The following TET3 variants were observed in gnomAD, a reference collection of about 807,000 sequenced individuals.
The protein encoded by TET3 is tet methylcytosine dioxygenase 3, also known as methylcytosine dioxygenase TET3.
A neutral mutation model predicts 141.4 loss-of-function variants in TET3; 19 were observed. That is an observed-to-expected ratio of 0.13 (90% CI 0.09 to 0.20). The LOEUF (loss-of-function observed/expected upper bound fraction) is 0.20, where lower values mean the gene tolerates loss of function less well. Among genes scored for constraint, TET3 ranks in the 10% least tolerant of loss-of-function variants. The pLI, the probability that TET3 is intolerant of heterozygous loss-of-function variation, is 1.00. For synonymous variants in TET3, 1,043 were observed against 980.9 expected (o/e 1.06, Z -1.18); for missense variants, 1,874 against 2,356.9 (o/e 0.80, Z 4.24).
the TET3 span, among the ~76,000 whole-genome samples, chr2:74,117,538 A>C: frequency 1.3e-5 from 2 of 152,012 alleles, no homozygotes; most frequent in Admixed American, 1.3e-4. Flanking sequence ...GGGATTACAG[A>C]CCTTTTGATC....
chr2:74,078,543 T>C (rs1394178727), intron 5 of TET3, among the ~76,000 whole-genome samples: 3 of 152,354 alleles, frequency 2.0e-5, no homozygotes, highest in Non-Finnish European at 2.9e-5. Context: ...AAATTTATTA[T>C]AATGTATTTA....
Position 74,101,110 on chromosome 2 carries a change from G to A in TET3, c.4322G>A (p.Gly1441Asp). 1.9e-6 allele frequency: 3 copies of A among 1,613,542 alleles called. No homozygotes were observed. The highest frequency in any genetic ancestry group is 1.7e-6 in the Non-Finnish European group (2 of 1,179,708). ...CACCTTTGGGGACAGTACTCAGGAG[G>A]CCCAAGCATGTCCCCCAAGAGGACT... ...PSHLWGQYSGGPSMSPKRTNG... is the reference protein window; with the variant it reads ...PSHLWGQYSGDPSMSPKRTNG... Residue 1441 changes from glycine (G) to aspartate (D), a missense_variant, in exon 12 of 12, where the codon GGC becomes GAC. Transcript: ENST00000409262. The surrounding 1 kb of genome is among the most constrained non-coding windows in gnomAD (Gnocchi z 8.5).
intron 6 of TET3, among the ~76,000 whole-genome samples, chr2:74,084,478 A>C (rs994249505): frequency 1.4e-5 from 2 of 147,374 alleles, no homozygotes; most frequent in African/African-American, 5.0e-5. Context: ...TTTGAGATGG[A>C]GTCTCGCTCT....
At chr2:74,089,398 C>A (rs1690348559) in intron 7 of TET3, among the ~76,000 whole-genome samples, 1 of 151,928 alleles carries the variant, frequency 6.6e-6, no homozygotes, top group Non-Finnish European at 1.5e-5. Context: ...GCTTATCCAT[C>A]CCCCAGTTAG....
At chr2:74,123,494 G>A in the TET3 span, among the ~76,000 whole-genome samples, 4 of 152,148 alleles carry the variant, frequency 2.6e-5, no homozygotes, top group South Asian at 2.1e-4. Context: ...GGGCGGAACC[G>A]ACCAAGAAAC....
In TET3 at chr2:74,093,537, C is replaced by T. The variant is rs141970343; in HGVS notation, c.3138C>T (p.Asn1046=). Reference sequence around the variant, plus strand: ...CTTGGCTGTCTACACAGGTGACCAACGAGGAAATAGCGATTGACTGCCGTC... The same window carrying T: ...CTTGGCTGTCTACACAGGTGACCAATGAGGAAATAGCGATTGACTGCCGTC... ...APQAYQNQVT[N]EEIAIDCRLG... is the part of the protein sequence containing the mutation. The change falls in exon 10 of 12, where the codon AAC becomes AAT. Residue 1046 remains asparagine (N), a synonymous_variant. Transcript: ENST00000409262. This position sits in a 1 kb window ranked among gnomAD's most constrained non-coding sequence, Gnocchi z 4.2. 1,385 of 1,608,846 alleles carry T rather than the reference C, an allele frequency of 8.6e-4. 13 individuals are homozygous for T. The African/African-American group carries it at 0.015, about 18-fold the overall frequency.
At chr2:74,048,455 G>A in intron 4 of TET3, 44 bp downstream of exon 4, 2 of 1,534,982 alleles carry the variant, frequency 1.3e-6, no homozygotes, top group Non-Finnish European at 1.8e-6. Context: ...AAAGGGCTGT[G>A]GCCTGGTGAG....
At position 74,102,415 on chromosome 2, in the gene TET3, T is replaced by C. The variant is rs1691277201; in HGVS notation, c.*239T>C. The C allele has an allele frequency of 2.4e-6, 1 of 421,142 alleles. No homozygotes were observed. Among genetic ancestry groups the C allele is most frequent in the African/African-American group, 2.1e-5 (1 of 48,632 alleles). The allele number at this position is 421,142 out of a possible 1,614,324, so 26.1% of individuals were successfully genotyped here. A position where few individuals can be genotyped will look rare whatever the true frequency, so the allele number is the denominator to read the frequency against. ...AGAAACTACGGCTGTCGGGTGATTT[T>C]TCCGTGATCTTAATATTTATATCTC... On this transcript the variant is annotated 3_prime_UTR_variant, in exon 12 of 12. Transcript: ENST00000409262.
chr2:74,004,253 T>G (rs1423368279), intron 3 of TET3, among the ~76,000 whole-genome samples: 1 of 152,134 alleles, frequency 6.6e-6, no homozygotes, highest in Non-Finnish European at 1.5e-5. Context: ...GGGATCTTGG[T>G]TGCTTGGGTA....
At position 74,106,715 on chromosome 2, in the gene TET3, C is replaced by T. The variant is rs150808408; in HGVS notation, c.*4539C>T. ...GTTTTAAAAACTCACCAGGAAGCTCCATTTTGTGTCATCCACTGTCACAAT... is the reference window on the plus strand; with the variant it reads ...GTTTTAAAAACTCACCAGGAAGCTCTATTTTGTGTCATCCACTGTCACAAT... On this transcript the variant is annotated 3_prime_UTR_variant, in exon 12 of 12. Transcript: ENST00000409262. 4 of 153,862 alleles carry T rather than the reference C, an allele frequency of 2.6e-5. No homozygotes were observed. The East Asian group carries it at 7.7e-4, about 30-fold the overall frequency. The allele number at this position is 153,862 out of a possible 1,614,324, so 9.5% of individuals were successfully genotyped here. A position where few individuals can be genotyped will look rare whatever the true frequency, so the allele number is the denominator to read the frequency against.
At chr2:74,002,871 G>A in intron 2 of TET3, 1 of 567,938 alleles carries the variant, frequency 1.8e-6, no homozygotes, top group Non-Finnish European at 3.2e-6. Flanking sequence ...CGGATCTCGG[G>A]GGGATTCTCA....
At chr2:74,070,739 C>G (rs547916299) in intron 4 of TET3, among the ~76,000 whole-genome samples, 3 of 152,052 alleles carry the variant, frequency 2.0e-5, no homozygotes. Context: ...TTTGGGAGGC[C>G]GAGGCAGGCA....
At chr2:74,096,596 GTTTC>G (rs1002572385) in intron 10 of TET3, among the ~76,000 whole-genome samples, 1 of 150,922 alleles carries the variant, frequency 6.6e-6, no homozygotes, top group Non-Finnish European at 1.5e-5. Flanking sequence ...GTGAAACCCC[GTTTC>G]TTCTAAAAAT....
intron 4 of TET3, among the ~76,000 whole-genome samples, chr2:74,053,236 T>C (rs1688042575): frequency 6.8e-6 from 1 of 147,498 alleles, no homozygotes; most frequent in South Asian, 2.1e-4. Context: ...AAATACTCAT[T>C]GGAGAGTCCC....
rs1691406119 is a variant in TET3 at position 74,104,647 on chromosome 2, T to C, written c.*2471T>C. 6.6e-6 allele frequency: 1 copy of C among 152,428 alleles called. No individual in the cohort carries two copies. The highest frequency in any genetic ancestry group is 2.4e-5 in the African/African-American group (1 of 41,458). The allele number at this position is 152,428 out of a possible 1,614,324, so 9.4% of individuals were successfully genotyped here. On this transcript the variant is annotated 3_prime_UTR_variant, in exon 12 of 12. Coordinates refer to ENST00000409262, the MANE Select transcript of TET3 (RefSeq NM_001287491.2). ...CTGTTGGTTTGGAAGGTCCCGAGTGTAACCCAGGTGATTCTGATACTTGGC... is the reference window on the plus strand; with the variant it reads ...CTGTTGGTTTGGAAGGTCCCGAGTGCAACCCAGGTGATTCTGATACTTGGC...
chr2:74,075,224 G>T (rs1316455861), intron 5 of TET3, among the ~76,000 whole-genome samples: 5 of 151,576 alleles, frequency 3.3e-5, no homozygotes, highest in Admixed American at 3.3e-4. Context: ...GCATATGCTT[G>T]CCCATACATA....
At chr2:74,023,956 G>C (rs747995825) in intron 3 of TET3, among the ~76,000 whole-genome samples, 2 of 151,962 alleles carry the variant, frequency 1.3e-5, no homozygotes, top group African/African-American at 4.8e-5. Flanking sequence ...TATCCCTCCT[G>C]ATTCAGTTTT....
chr2:74,031,978 T>C (rs1279607430), intron 3 of TET3, among the ~76,000 whole-genome samples: 1 of 152,238 alleles, frequency 6.6e-6, no homozygotes, highest in Admixed American at 6.5e-5. Context: ...TTCTGAGCTT[T>C]GGAGTATGTT....
At chr2:73,984,455 G>C (rs1683892043), upstream of TET3, among the ~76,000 whole-genome samples, 1 of 152,192 alleles carries the variant, frequency 6.6e-6, no homozygotes, top group Admixed American at 6.5e-5. This position sits in a 1 kb window ranked among gnomAD's most constrained non-coding sequence, Gnocchi z 5.6. Context: ...GGACAGGGGG[G>C]TCAGTCGGGC....
Sources: allele counts gnomAD v4.1 joint callset (sites outside exome capture counted in the v4.1 genomes callset), GRCh38; gene constraint gnomAD v4.1.1; non-coding constraint Gnocchi (gnomAD v3.1); transcripts MANE v1.5; gene names NCBI Gene and HGNC (gene_info 2026-07-23, HGNC 2026-07-21).